Variants in DCLK1 observed in about 807,000 individuals in gnomAD.
DCLK1 encodes doublecortin like kinase 1, also known as serine/threonine-protein kinase DCLK1.
Under a neutral mutation model 86.2 loss-of-function variants are expected in DCLK1, and 16 were observed. That is an observed-to-expected ratio of 0.19 (90% CI 0.13 to 0.28). The LOEUF (loss-of-function observed/expected upper bound fraction) is 0.28, where lower values mean the gene tolerates loss of function less well. Among genes scored for constraint, DCLK1 ranks in the 10% least tolerant of loss-of-function variants. The pLI is 1.00. For synonymous variants in DCLK1, 369 were observed against 370.5 expected, an observed-to-expected ratio of 1.00 and a Z score of 0.05; for missense variants, 590 against 940.2, an observed-to-expected ratio of 0.63 and a Z score of 4.87.
At chr13:36,118,877 A>G (rs1184178887) in intron 2 of DCLK1, among the ~76,000 whole-genome samples, 1 of 152,176 alleles carries the variant, frequency 6.6e-6, no homozygotes. Context: ...TTCCTCACAG[A>G]TGGTGCCTTT....
chr13:35,774,640 C>T lies in DCLK1; in HGVS notation c.2118G>A (p.Arg706=). ...GAGCTGGCTGCGCCTTGTACCGGCT[C>T]CTCACATCCTGGTTGCGTCTTCGTC... The part of the protein sequence containing the change: ...VFRRRRNQDV[R]SRYKAQPAPP... Residue 706 remains arginine (R), a synonymous_variant, in exon 17 of 17, where the codon AGG becomes AGA. Coordinates refer to ENST00000360631, the MANE Select transcript of DCLK1 (RefSeq NM_001330071.2). 6.2e-7 allele frequency: 1 copy of T among 1,608,770 alleles called. No homozygotes were observed. The highest frequency in any genetic ancestry group is 1.3e-5 in the African/African-American group (1 of 74,898).
At chr13:36,098,738 A>G (rs1785975854) in intron 3 of DCLK1, among the ~76,000 whole-genome samples, 1 of 152,130 alleles carries the variant, frequency 6.6e-6, no homozygotes, top group South Asian at 2.1e-4. Context: ...TTTGAAAGTA[A>G]CTTCCCTCTC....
At chr13:35,887,906 A>G (rs963915741) in intron 4 of DCLK1, among the ~76,000 whole-genome samples, 7 of 144,984 alleles carry the variant, frequency 4.8e-5, no homozygotes, top group Non-Finnish European at 1.0e-4. Flanking sequence ...AAAAAAAAAA[A>G]AAAAGAAGGC....
At chr13:35,941,027 G>GA (rs990890527) in intron 4 of DCLK1, among the ~76,000 whole-genome samples, 1 of 151,968 alleles carries the variant, frequency 6.6e-6, no homozygotes, top group Admixed American at 6.6e-5. Flanking sequence ...TACAACACAG[G>GA]AAAAAAATGT....
chr13:35,936,881 A>G (rs901056657), intron 4 of DCLK1, among the ~76,000 whole-genome samples: 2 of 152,082 alleles, frequency 1.3e-5, no homozygotes, highest in African/African-American at 4.8e-5. Flanking sequence ...AAACTGAATC[A>G]ACCACATTAA....
At chr13:35,848,209 T>G in intron 6 of DCLK1, 1 of 985,312 alleles carries the variant, frequency 1.0e-6, no homozygotes, top group Non-Finnish European at 1.2e-6. Context: ...AAAAATTCAT[T>G]GCCGAATTTT....
chr13:35,778,559 A>G (rs1357133788), intron 16 of DCLK1, among the ~76,000 whole-genome samples: 1 of 152,272 alleles, frequency 6.6e-6, no homozygotes, highest in Non-Finnish European at 1.5e-5. Flanking sequence ...GCATTCCCCA[A>G]TACCCATGAA....
At chr13:35,967,631 A>G (rs1037667382) in intron 3 of DCLK1, among the ~76,000 whole-genome samples, 1 of 152,220 alleles carries the variant, frequency 6.6e-6, no homozygotes, top group African/African-American at 2.4e-5. Flanking sequence ...AAGGCAGCAT[A>G]CTCGTTAAGA....
rs564527579 is a variant in DCLK1, at chr13:36,052,575, G to A, written c.723+59294C>T. Among the ~76,000 whole-genome samples the A allele has an allele frequency of 3.3e-5, 5 of 152,236 alleles. No individual in the cohort carries two copies. In the East Asian group the frequency reaches 7.7e-4, roughly 24 times the overall value. ...AGGAATAGGTAGTTAAATAAGACAC[G>A]AATTTTGCTCATAAGGGGTTACATA... is the stretch of plus-strand genomic sequence containing the variant. On this transcript the variant is annotated intron_variant, in intron 3 of 16. Transcript: ENST00000360631.
intron 4 of DCLK1, among the ~76,000 whole-genome samples, chr13:35,929,086 C>T (rs7987208): frequency 0.54 from 82,049 of 151,530 alleles, 25,025 homozygotes; most frequent in Admixed American, 0.67. Context: ...CCCACCACCA[C>T]GCCTGGCTAA....
chr13:36,074,308 C>G (rs1884088252), intron 3 of DCLK1, among the ~76,000 whole-genome samples: 1 of 151,522 alleles, frequency 6.6e-6, no homozygotes, highest in Non-Finnish European at 1.5e-5. Context: ...CGAGACCTTC[C>G]CGGCTAACAC....
chr13:35,946,996 A>T (rs1432050947), intron 4 of DCLK1, among the ~76,000 whole-genome samples: 1 of 152,210 alleles, frequency 6.6e-6, no homozygotes, highest in Non-Finnish European at 1.5e-5. Flanking sequence ...AGCTGAGCCT[A>T]GAAACATCCT....
chr13:35,998,524 C>T (rs1411668882), intron 3 of DCLK1, among the ~76,000 whole-genome samples: 1 of 152,098 alleles, frequency 6.6e-6, no homozygotes, highest in Non-Finnish European at 1.5e-5. Context: ...TTAAGCCACT[C>T]AGAATCATCA....
chr13:35,855,831 G>A (rs759670342), intron 5 of DCLK1: 1 of 1,221,768 alleles, frequency 8.2e-7, no homozygotes, highest in Non-Finnish European at 1.0e-6. Context: ...CCCCAGTGCT[G>A]TCAGTACTTT....
At chr13:35,839,956 C>G (rs1423957999) in intron 6 of DCLK1, among the ~76,000 whole-genome samples, 1 of 152,170 alleles carries the variant, frequency 6.6e-6, no homozygotes, top group Non-Finnish European at 1.5e-5. Flanking sequence ...CCTGAGAAAA[C>G]AATTTGCACA....
At chr13:35,949,144 G>C (rs9601717) in intron 3 of DCLK1, among the ~76,000 whole-genome samples, 2,638 of 152,276 alleles carry the variant, frequency 0.017, 71 homozygotes, top group East Asian at 0.055. Context: ...CCCAAAAGAG[G>C]AGTATCTCCT....
intron 6 of DCLK1, among the ~76,000 whole-genome samples, chr13:35,841,997 C>A (rs994199944): frequency 2.0e-5 from 3 of 151,782 alleles, no homozygotes; most frequent in Non-Finnish European, 2.9e-5. Context: ...TAGTACTGAA[C>A]ATACTACTTC....
At chr13:35,815,346 C>G (rs1279058204) in intron 11 of DCLK1, among the ~76,000 whole-genome samples, 3 of 152,140 alleles carry the variant, frequency 2.0e-5, no homozygotes, top group Non-Finnish European at 4.4e-5. Flanking sequence ...AACCTGAACC[C>G]AGTCAAAAGG....
intron 5 of DCLK1, among the ~76,000 whole-genome samples, chr13:35,861,694 C>T (rs899069920): frequency 3.9e-5 from 6 of 152,262 alleles, no homozygotes; most frequent in East Asian, 1.9e-4. Flanking sequence ...TCCCTGTACT[C>T]TTACTGTTCT....
Sources: allele counts gnomAD v4.1 joint callset (sites outside exome capture counted in the v4.1 genomes callset), GRCh38; gene constraint gnomAD v4.1.1; transcripts MANE v1.5; gene names NCBI Gene and HGNC (gene_info 2026-07-23, HGNC 2026-07-21).